TLCD4: variants seen among roughly 807,000 people sequenced by gnomAD.
TLCD4 encodes the protein TLC domain-containing protein 4.
TLCD4 carries 7 observed loss-of-function variants against 24.2 expected under a neutral mutation model. That is an observed-to-expected ratio of 0.29 (90% CI 0.16 to 0.54). The LOEUF (loss-of-function observed/expected upper bound fraction) is 0.54. Ranked by LOEUF, TLCD4 falls within the 20% of genes least tolerant of loss-of-function variation. TLCD4 has a pLI of 0.95. For missense variants in TLCD4, 259 were observed against 313.9 expected, an observed-to-expected ratio of 0.82 and a Z score of 1.32; for synonymous variants, 103 against 106.4, an observed-to-expected ratio of 0.97 and a Z score of 0.20.
At chr1:95,107,289 G>A in the TLCD4 span, among the ~76,000 whole-genome samples, 5 of 152,254 alleles carry the variant, frequency 3.3e-5, no homozygotes, top group Admixed American at 3.3e-4. Context: ...CGGGCGTGGT[G>A]GTGGGCGCCT....
At chr1:95,182,599 T>G (rs922573621) in intron 6 of TLCD4, among the ~76,000 whole-genome samples, 6 of 152,222 alleles carry the variant, frequency 3.9e-5, no homozygotes, top group African/African-American at 9.6e-5. Flanking sequence ...TTATTTGTGC[T>G]AAGATGCCAA....
the TLCD4 span, among the ~76,000 whole-genome samples, chr1:95,100,293 G>C: frequency 6.6e-6 from 1 of 151,978 alleles, no homozygotes; most frequent in African/African-American, 2.4e-5. Flanking sequence ...CTGCATTGCT[G>C]GCTGGGTGCG....
At chr1:95,170,398 C>T (rs1265109973) in intron 5 of TLCD4, among the ~76,000 whole-genome samples, 5 of 137,124 alleles carry the variant, frequency 3.6e-5, no homozygotes, top group South Asian at 4.6e-4. Flanking sequence ...GGCGTGATTT[C>T]GGCTCACTGC....
chr1:95,151,834 G>C (rs1677502479), intron 5 of TLCD4, among the ~76,000 whole-genome samples: 1 of 152,084 alleles, frequency 6.6e-6, no homozygotes, highest in African/African-American at 2.4e-5. Context: ...AAGTAGGTTG[G>C]AGCAGTGGAG....
intron 1 of TLCD4, among the ~76,000 whole-genome samples, chr1:95,130,000 T>C (rs980110308): frequency 3.9e-5 from 6 of 152,206 alleles, no homozygotes; most frequent in Admixed American, 6.5e-5. Context: ...TCTTTTTCCC[T>C]ATATGTCTCT....
intron 1 of TLCD4, among the ~76,000 whole-genome samples, chr1:95,118,407 AT>A (rs541634471): frequency 1.9e-3 from 287 of 152,282 alleles, no homozygotes; most frequent in African/African-American, 6.2e-3. Context: ...TGGTCTGTAT[AT>A]TTTTAATTGT....
chr1:95,143,697 C>CATA (rs755401086), intron 1 of TLCD4, among the ~76,000 whole-genome samples, 194 bp from the exon 2 acceptor site: 2 of 151,932 alleles, frequency 1.3e-5, no homozygotes, highest in South Asian at 4.2e-4. Context: ...ATAAAACAGA[C>CATA]ATAAGATACA....
chr1:95,109,096 G>C, the TLCD4 span, among the ~76,000 whole-genome samples: 1 of 152,186 alleles, frequency 6.6e-6, no homozygotes, highest in Non-Finnish European at 1.5e-5. Context: ...GAGAGGCTGA[G>C]GTGGGCAGAT....
At chr1:95,187,506 C>T (rs574137459) in intron 6 of TLCD4, among the ~76,000 whole-genome samples, 1 of 152,054 alleles carries the variant, frequency 6.6e-6, no homozygotes, top group Non-Finnish European at 1.5e-5. Context: ...TGATGTTTTT[C>T]TCATGATTAC....
intron 5 of TLCD4, among the ~76,000 whole-genome samples, chr1:95,154,730 G>C (rs12142263): frequency 0.15 from 22,932 of 151,614 alleles, 1,780 homozygotes; most frequent in East Asian, 0.2. Context: ...CAAAAACCTT[G>C]AATGATTACA....
the TLCD4 span, among the ~76,000 whole-genome samples, chr1:95,106,508 C>T: frequency 2.6e-5 from 4 of 152,128 alleles, no homozygotes; most frequent in Non-Finnish European, 5.9e-5. Context: ...CGAGACCAGC[C>T]TGGGCGACAT....
the TLCD4 span, among the ~76,000 whole-genome samples, chr1:95,097,674 T>A: frequency 1.3e-5 from 2 of 152,154 alleles, no homozygotes; most frequent in East Asian, 3.9e-4. Context: ...ACAGAGGAAA[T>A]CAACCAAAGG....
At chr1:95,115,070 GATATATATATATACACATTATATAT>G (rs901731434), upstream of TLCD4, among the ~76,000 whole-genome samples, 65 of 111,322 alleles carry the variant, frequency 5.8e-4, no homozygotes, top group South Asian at 0.016. Flanking sequence ...TAATGAACTG[GATATATATATATACACATTATATAT>G]ATATATATAT....
chr1:95,190,875 C>G (rs995314680), intron 6 of TLCD4, among the ~76,000 whole-genome samples: 3 of 152,142 alleles, frequency 2.0e-5, no homozygotes, highest in Non-Finnish European at 4.4e-5. Context: ...ACTTTGTATA[C>G]ATGTACTTTA....
In TLCD4 at chr1:95,196,716, G is replaced by A. The variant is rs914564021; in HGVS notation, c.*4848G>A. On this transcript the variant is annotated 3_prime_UTR_variant, in exon 7 of 7. Transcript: ENST00000370203. ...GTACAGTACCTCTGGCTGAAAACTCGTTAAACATCTTTGGATATTTTTTCT... is the reference window on the plus strand; with the variant it reads ...GTACAGTACCTCTGGCTGAAAACTCATTAAACATCTTTGGATATTTTTTCT... The A allele has an allele frequency of 3.2e-4, 48 of 152,148 alleles. 1 individual carries two copies. The highest frequency in any genetic ancestry group is 2.0e-3 in the Admixed American group (30 of 15,278). The allele number at this position is 152,148 out of a possible 1,614,324, so 9.4% of individuals were successfully genotyped here. A position where few individuals can be genotyped will look rare whatever the true frequency, so the allele number is the denominator to read the frequency against.
intron 5 of TLCD4, among the ~76,000 whole-genome samples, chr1:95,162,618 A>G (rs894029386): frequency 1.6e-4 from 25 of 152,214 alleles, no homozygotes; most frequent in African/African-American, 6.0e-4. Context: ...ACAATTTGGC[A>G]TGTTTTTGCA....
intron 5 of TLCD4, among the ~76,000 whole-genome samples, chr1:95,156,837 T>G (rs969080439): frequency 4.6e-5 from 7 of 152,008 alleles, no homozygotes; most frequent in Admixed American, 4.6e-4. Flanking sequence ...CTGTGAGATG[T>G]TAAGAGGTTT....
chr1:95,117,537 G>A lies in TLCD4; in HGVS notation c.-92G>A, dbSNP rs530721691. The A allele has an allele frequency of 6.6e-6, 1 of 152,292 alleles. No homozygotes were observed. Among genetic ancestry groups the A allele is most frequent in the South Asian group, 2.1e-4 (1 of 4,848 alleles). The allele number at this position is 152,292 out of a possible 1,614,324, so 9.4% of individuals were successfully genotyped here. ...GCCCTCGGGCCGGCCCGGATGAGCA[G>A]ACTCCTGTAGACACCCGCCGCCCTC... On this transcript the variant is annotated 5_prime_UTR_variant, in exon 1 of 7. Coordinates refer to ENST00000370203, the MANE Select transcript of TLCD4 (RefSeq NM_152487.3).
intron 5 of TLCD4, among the ~76,000 whole-genome samples, chr1:95,155,345 T>C (rs183658771): frequency 4.6e-5 from 7 of 152,266 alleles, no homozygotes; most frequent in Admixed American, 3.9e-4. Context: ...TTTTACTCTA[T>C]GCAAAGCTCC....
Sources: allele counts gnomAD v4.1 joint callset (sites outside exome capture counted in the v4.1 genomes callset), GRCh38; gene constraint gnomAD v4.1.1; transcripts MANE v1.5; gene names NCBI Gene and HGNC (gene_info 2026-07-23, HGNC 2026-07-21).